The following NIPA1 variants were observed in gnomAD, a reference collection of about 807,000 sequenced individuals.
NIPA1 encodes magnesium transporter NIPA1.
In NIPA1, 13 loss-of-function variants were observed where a neutral mutation model predicts 23.9. The observed-to-expected ratio is 0.54, with a 90% confidence interval of 0.35 to 0.87. The LOEUF (loss-of-function observed/expected upper bound fraction) is 0.87, where lower values mean the gene tolerates loss of function less well. Among genes scored for constraint, NIPA1 ranks in the 40% least tolerant of loss-of-function variants. The pLI is 0.01. For missense variants in NIPA1, 362 were observed against 429.7 expected (o/e 0.84, Z 1.39); for synonymous variants, 234 against 202.9 (o/e 1.15, Z -1.30).
intron 1 of NIPA1, among the ~76,000 whole-genome samples, chr15:22,791,943 C>A (rs1315487030): frequency 1.3e-5 from 2 of 149,194 alleles, no homozygotes; most frequent in African/African-American, 4.9e-5. Flanking sequence ...CGGATGGGGC[C>A]GCCTGCCTTC....
In NIPA1 at chr15:22,788,498, C is replaced by CAAAAA. The variant is rs905296655; in HGVS notation, c.178+1677_178+1681dup. Among the ~76,000 whole-genome samples the CAAAAA allele has an allele frequency of 3.2e-4, 29 of 89,606 alleles. 1 individual carries two copies. The highest frequency in any genetic ancestry group is 4.6e-4 in the African/African-American group (12 of 25,822). 58.8% of individuals were successfully genotyped at this position (89,606 alleles called of 152,430 possible). Reference sequence around the variant, plus strand: ...TGGGCGGCAGAGCAAGACTCCATCTCAAAAAAAAAAAAAAAAATCTTGCAG... The same window carrying CAAAAA: ...TGGGCGGCAGAGCAAGACTCCATCTCAAAAAAAAAAAAAAAAAAAAAATCTTGCAG... On this transcript the variant is annotated intron_variant, in intron 1 of 4. Transcript: ENST00000337435.
At position 22,786,794 on chromosome 15, in the gene NIPA1, C is replaced by T. The variant is rs768783270; in HGVS notation, c.138C>T (p.Phe46=). 9 of 1,295,898 alleles carry T rather than the reference C, an allele frequency of 6.9e-6. No individual in the cohort carries two copies. The highest frequency in any genetic ancestry group is 9.0e-6 in the Non-Finnish European group (9 of 999,934). 80.3% of individuals were successfully genotyped at this position (1,295,898 alleles called of 1,614,324 possible). Residue 46 remains phenylalanine, a synonymous_variant, in exon 1 of 5, where the codon TTC becomes TTT. Coordinates refer to ENST00000337435, the MANE Select transcript of NIPA1 (RefSeq NM_144599.5). The stretch of plus-strand genomic sequence containing the variant: ...CGAGCCTGGTGAACGGGTCCACGTT[C>T]GTGCTACAGAAGAAGGGCATCGTGC... ...VVSSLVNGST[F]VLQKKGIVRA...
intron 3 of NIPA1, chr15:22,813,704 T>G: frequency 2.2e-6 from 1 of 455,444 alleles, no homozygotes; most frequent in Non-Finnish European, 4.4e-6. Context: ...TAGAGTCACG[T>G]AGGCATTAAG....
chr15:22,806,109 G>C (rs900866879), intron 1 of NIPA1, among the ~76,000 whole-genome samples: 16 of 152,286 alleles, frequency 1.1e-4, no homozygotes, highest in Admixed American at 7.8e-4. Flanking sequence ...ATTTTTAGCA[G>C]AGACGGGGTT....
At chr15:22,810,552 T>C (rs1895297790) in intron 1 of NIPA1, among the ~76,000 whole-genome samples, 197 bp from the exon 2 acceptor site, 1 of 152,148 alleles carries the variant, frequency 6.6e-6, no homozygotes, top group South Asian at 2.1e-4. Context: ...AAAAAATATC[T>C]TGACTTTGCC....
chr15:22,795,601 C>T (rs1285504216), intron 1 of NIPA1, among the ~76,000 whole-genome samples: 1 of 152,186 alleles, frequency 6.6e-6, no homozygotes, highest in African/African-American at 2.4e-5. Flanking sequence ...TCTGGGAAGC[C>T]AGACCCCTTC....
At chr15:22,804,611 C>T (rs912697493) in intron 1 of NIPA1, among the ~76,000 whole-genome samples, 3 of 152,100 alleles carry the variant, frequency 2.0e-5, no homozygotes, top group Admixed American at 1.3e-4. Flanking sequence ...CCGTAAGCCA[C>T]GTTGAGTTAC....
At chr15:22,789,931 A>T (rs536010851) in intron 1 of NIPA1, among the ~76,000 whole-genome samples, 79 of 152,114 alleles carry the variant, frequency 5.2e-4, no homozygotes, top group Middle Eastern at 3.4e-3. Context: ...AGTAGCTGGG[A>T]TTACAGGTAC....
intron 1 of NIPA1, among the ~76,000 whole-genome samples, chr15:22,796,295 G>A (rs1894937316): frequency 6.6e-6 from 1 of 151,960 alleles, no homozygotes; most frequent in South Asian, 2.1e-4. Flanking sequence ...TGGGCAAACA[G>A]AAATTCATTT....
intron 2 of NIPA1, among the ~76,000 whole-genome samples, chr15:22,811,198 CAG>C (rs1308589733): frequency 2.0e-5 from 3 of 152,142 alleles, no homozygotes; most frequent in African/African-American, 7.2e-5. Context: ...GTTGGTTTAA[CAG>C]AGAATTTCAT....
At position 22,820,807 on chromosome 15, in the gene NIPA1, A is replaced by G. The variant is rs995089875; in HGVS notation, c.478+334A>G. 6.0e-5 allele frequency among the ~76,000 whole-genome samples: 9 copies of G among 149,654 alleles called. No homozygotes were observed. In the South Asian group the frequency reaches 6.4e-4, roughly 11 times the overall value. On this transcript the variant is annotated intron_variant, in intron 4 of 4. Coordinates refer to ENST00000337435, the MANE Select transcript of NIPA1 (RefSeq NM_144599.5). ...GGCCACCCTCCCAAGTCTGACTGCC[A>G]CCCGCCCCTCCCCACATACCTTTCC...
chr15:22,799,865 A>G (rs1277371664), intron 1 of NIPA1, among the ~76,000 whole-genome samples: 1 of 146,764 alleles, frequency 6.8e-6, no homozygotes. Flanking sequence ...GATGGCTTGA[A>G]CCCAGGAGGT....
intron 3 of NIPA1, among the ~76,000 whole-genome samples, chr15:22,818,605 G>T (rs1002886688): frequency 1.3e-5 from 2 of 152,022 alleles, no homozygotes; most frequent in African/African-American, 4.8e-5. Context: ...AGACCAGCCT[G>T]GCCAACATGG....
intron 3 of NIPA1, chr15:22,813,780 T>C (rs180907059): frequency 2.3e-6 from 1 of 439,056 alleles, no homozygotes; most frequent in South Asian, 1.6e-5. Flanking sequence ...TGGCACATTT[T>C]TCTCGTGAAC....
At chr15:22,801,219 C>A (rs368796253) in intron 1 of NIPA1, among the ~76,000 whole-genome samples, 1 of 152,110 alleles carries the variant, frequency 6.6e-6, no homozygotes, top group African/African-American at 2.4e-5. Flanking sequence ...TGAATGTTAC[C>A]GTTCTACTTT....
rs185370420 is a variant in NIPA1 at position 22,818,146 on chromosome 15, A to G, written c.318-2167A>G. On this transcript the variant is annotated intron_variant, in intron 3 of 4. Transcript: ENST00000337435. ...GATAAGGGACTTGTAGTTAGAACAC[A>G]TAAAAACTCTTGCCGGTCGTGGTGG... Among the ~76,000 whole-genome samples, 114 of 152,312 alleles carry G rather than the reference A, an allele frequency of 7.5e-4. 1 individual carries two copies. The highest frequency in any genetic ancestry group is 2.5e-3 in the African/African-American group (103 of 41,582).
At chr15:22,823,619 AGGCCGGT>A (rs1895587346) in intron 4 of NIPA1, 102 bp from the exon 5 acceptor site, 1 of 1,075,162 alleles carries the variant, frequency 9.3e-7, no homozygotes, top group Admixed American at 2.0e-5. Context: ...GCCGCAGTAG[AGGCCGGT>A]GGCGGGTGGC....
chr15:22,808,679 C>CTTTT (rs59983551), intron 1 of NIPA1, among the ~76,000 whole-genome samples: 1 of 128,336 alleles, frequency 7.8e-6, no homozygotes, highest in Non-Finnish European at 1.6e-5. Context: ...TAGCAATATT[C>CTTTT]TTTTTTTTGA....
chr15:22,791,497 T>TTTTTTTTTTTC (rs1894825701), intron 1 of NIPA1, among the ~76,000 whole-genome samples: 1 of 135,646 alleles, frequency 7.4e-6, no homozygotes, highest in Non-Finnish European at 1.5e-5. Context: ...TTTTTTTTTT[T>TTTTTTTTTTTC]TTGTGAGACG....
Sources: gnomAD v4.1 joint callset for allele counts (sites outside exome capture counted in the v4.1 genomes callset) on GRCh38, gnomAD v4.1.1 for gene constraint, MANE v1.5 for transcripts, NCBI Gene and HGNC (gene_info 2026-07-23, HGNC 2026-07-21) for gene names.